Variants in HEXA observed in about 807,000 individuals in gnomAD.
HEXA encodes beta-hexosaminidase subunit alpha.
Under a neutral mutation model 73.3 loss-of-function variants are expected in HEXA, and 54 were observed. The observed-to-expected ratio is 0.74, with a 90% confidence interval of 0.59 to 0.92. The LOEUF (loss-of-function observed/expected upper bound fraction) is 0.92. Ranked by LOEUF, HEXA falls within the 40% of genes least tolerant of loss-of-function variation. The pLI, the probability that HEXA is intolerant of heterozygous loss-of-function variation, is 0.00. For missense variants in HEXA, 649 were observed against 653.0 expected (o/e 0.99, Z 0.07); for synonymous variants, 230 against 246.9 (o/e 0.93, Z 0.64).
chr15:72,359,797 A>AGTATCTT (rs376659177), intron 1 of HEXA: 1 of 151,864 alleles, frequency 6.6e-6, no homozygotes, highest in Non-Finnish European at 1.5e-5. Context: ...AAAAAAAAAA[A>AGTATCTT]GTATCTTTGG....
chr15:72,358,993 CA>C (rs1275933853), intron 1 of HEXA: 1 of 152,422 alleles, frequency 6.6e-6, no homozygotes. Context: ...CACAGTATGG[CA>C]AACAGCCCGG....
intron 1 of HEXA, among the ~76,000 whole-genome samples, chr15:72,365,715 C>G (rs1254245086): frequency 6.6e-6 from 1 of 152,124 alleles, no homozygotes; most frequent in African/African-American, 2.4e-5. Flanking sequence ...AATTGGATAA[C>G]CAGTCATCCT....
chr15:72,345,112 C>T (rs1258886833), intron 13 of HEXA: 2 of 358,838 alleles, frequency 5.6e-6, no homozygotes, highest in African/African-American at 4.2e-5. Flanking sequence ...TCCAAGGATG[C>T]TCAAGTCCCT....
At chr15:72,362,583 C>T in intron 1 of HEXA, 1 of 418,324 alleles carries the variant, frequency 2.4e-6, no homozygotes, top group East Asian at 7.5e-5. Flanking sequence ...ATCCCCAAAC[C>T]TAGTATTTCT....
In HEXA at chr15:72,347,771, G is replaced by T. The variant is rs2088637010; in HGVS notation, c.1074-13C>A. On this transcript the variant is annotated splice_polypyrimidine_tract_variant and intron_variant, in intron 9 of 13. Coordinates refer to ENST00000268097, the MANE Select transcript of HEXA (RefSeq NM_000520.6). ...GATGTCCAGCAGCCTGGAGAGGAGA[G>T]GAGTGTCTAGTAAGTGTCTGCTTAG... The T allele has an allele frequency of 2.5e-6, 4 of 1,612,952 alleles. No homozygotes were observed. The East Asian group carries it at 8.9e-5, about 36-fold the overall frequency.
chr15:72,354,933 TTATC>T (rs1489914617), intron 3 of HEXA: 2 of 156,280 alleles, frequency 1.3e-5, no homozygotes, highest in African/African-American at 4.8e-5. Context: ...TCACTACTAT[TTATC>T]TTTTTTTTTG....
rs1012652444 is a variant in HEXA, at chr15:72,351,301, G to A, written c.571-67C>T. The A allele has an allele frequency of 4.6e-6, 5 of 1,078,842 alleles. No individual in the cohort carries two copies. The South Asian group carries it at 5.0e-5, about 11-fold the overall frequency. The allele number at this position is 1,078,842 out of a possible 1,614,324, so 66.8% of individuals were successfully genotyped here. A position where few individuals can be genotyped will look rare whatever the true frequency, so the allele number is the denominator to read the frequency against. The stretch of plus-strand genomic sequence containing the variant: ...CCGGTTTCAGCCTCAAACTTGCGAT[G>A]TTGGGCGAGCTCTCAGGCCGCTCCA... On this transcript the variant is annotated intron_variant, in intron 5 of 13. Coordinates refer to ENST00000268097, the MANE Select transcript of HEXA (RefSeq NM_000520.6).
chr15:72,341,415 G>A lies in HEXA; in HGVS notation c.*2662C>T, dbSNP rs940048505. On this transcript the variant is annotated 3_prime_UTR_variant, in exon 14 of 14. Transcript: ENST00000268097. ...ATGCAGCCTCAGCTCCTACCAAGGA[G>A]AGGAGAGGTTGAAGACTCTCCCAGT... 6.6e-6 allele frequency: 1 copy of A among 151,804 alleles called. No homozygotes were observed. Among genetic ancestry groups the A allele is most frequent in the Non-Finnish European group, 1.5e-5 (1 of 67,988 alleles). The allele number at this position is 151,804 out of a possible 1,614,324, so 9.4% of individuals were successfully genotyped here.
In HEXA at chr15:72,345,462, G is replaced by A. The variant is rs28942071; in HGVS notation, c.1510C>T (p.Arg504Cys). 1.9e-5 allele frequency: 31 copies of A among 1,614,060 alleles called. No homozygotes were observed. Among genetic ancestry groups the A allele is most frequent in the African/African-American group, 4.0e-5 (3 of 74,934 alleles). ...TFAYERLSHF[R>C]CELLRRGVQA... ...CTTGCTTACCTCAGCAATTCACAGC[G>A]GAAGTGTGACAAACGTTCATAGGCA... The change falls in exon 13 of 14, where the codon CGC (arginine) becomes TGC (cysteine). Residue 504 changes from arginine to cysteine, a missense_variant. By Grantham distance (180) the Arg-to-Cys change is radical. Transcript: ENST00000268097.
In HEXA at chr15:72,347,903, C is replaced by T. The variant is rs2088639136; in HGVS notation, c.1073+145G>A. On this transcript the variant is annotated intron_variant, in intron 9 of 13. Transcript: ENST00000268097. ...TTTCCCCTGGGCTGAAAACCAACCA[C>T]TCCAAATCTGAAAGGATGGGACAAA... 27 of 987,336 alleles carry T rather than the reference C, an allele frequency of 2.7e-5. 1 individual carries two copies. The South Asian group carries it at 3.6e-4, about 13-fold the overall frequency. 61.2% of individuals were successfully genotyped at this position (987,336 alleles called of 1,614,324 possible).
At chr15:72,367,742 C>T (rs2088936192) in intron 1 of HEXA, among the ~76,000 whole-genome samples, 1 of 152,206 alleles carries the variant, frequency 6.6e-6, no homozygotes, top group African/African-American at 2.4e-5. Context: ...CAGCTAGACA[C>T]CTTGAGTTCC....
In HEXA at chr15:72,343,681, G is replaced by T. The variant is rs1033099973; in HGVS notation, c.*396C>A. The T allele has an allele frequency of 6.9e-6, 2 of 290,836 alleles. No homozygotes were observed. The highest frequency in any genetic ancestry group is 8.7e-5 in the Admixed American group (2 of 22,904). 18.0% of individuals were successfully genotyped at this position (290,836 alleles called of 1,614,324 possible). On this transcript the variant is annotated 3_prime_UTR_variant, in exon 14 of 14. Coordinates refer to ENST00000268097, the MANE Select transcript of HEXA (RefSeq NM_000520.6). ...TGCAGAAGTGAAGTGAGCAGGCTGA[G>T]GATTAGGGCAGGTGTCTGGAATATG... is the stretch of plus-strand genomic sequence containing the variant.
chr15:72,345,753 G>GATTGCTACCCACATTT, intron 12 of HEXA: 1 of 690,482 alleles, frequency 1.4e-6, no homozygotes, highest in Non-Finnish European at 2.5e-6. Context: ...TAAAATGTGG[G>GATTGCTACCCACATTT]TAGCAATCCC....
chr15:72,347,836 G>A, intron 9 of HEXA, 78 bp from the exon 10 acceptor site: 1 of 1,367,170 alleles, frequency 7.3e-7, no homozygotes. Context: ...GTGCTCTAGG[G>A]GTTGAGCCTG....
At chr15:72,349,325 G>T (rs1189932030) in intron 7 of HEXA, 66 bp from the exon 8 acceptor site, 2 of 1,240,164 alleles carry the variant, frequency 1.6e-6, no homozygotes, top group East Asian at 2.3e-5. Flanking sequence ...AGTCCTACAC[G>T]TAAGGACACG....
intron 1 of HEXA, 82 bp downstream of exon 1, chr15:72,375,638 G>A: frequency 6.6e-7 from 1 of 1,520,382 alleles, no homozygotes. Context: ...AAGCCCATAG[G>A]GCGTCTCTGG....
intron 1 of HEXA, among the ~76,000 whole-genome samples, chr15:72,361,998 A>C (rs1449114600): frequency 6.6e-6 from 1 of 152,220 alleles, no homozygotes; most frequent in East Asian, 1.9e-4. Context: ...TCTCCGCTTA[A>C]AATCTTCCAA....
At position 72,355,712 on chromosome 15, in the gene HEXA, T is replaced by C. The variant is rs1007015973; in HGVS notation, c.347-88A>G. 2.3e-5 allele frequency: 17 copies of C among 725,762 alleles called. No individual in the cohort carries two copies. In the African/African-American group the frequency reaches 3.2e-4, roughly 14 times the overall value. 45.0% of individuals were successfully genotyped at this position (725,762 alleles called of 1,614,324 possible). On this transcript the variant is annotated intron_variant, in intron 2 of 13. Transcript: ENST00000268097. The stretch of plus-strand genomic sequence containing the variant: ...AGATATTCTATATAAATCACTGGAC[T>C]AAAAAAAAAAAACAGTAAGACCATA...
chr15:72,366,954 GTT>G (rs1158340847), intron 1 of HEXA, among the ~76,000 whole-genome samples: 1 of 147,990 alleles, frequency 6.8e-6, no homozygotes, highest in Non-Finnish European at 1.5e-5. Flanking sequence ...TTTTTGTTTT[GTT>G]TTTTGAGATG....
Sources: gnomAD v4.1 joint callset for allele counts (sites outside exome capture counted in the v4.1 genomes callset) on GRCh38, gnomAD v4.1.1 for gene constraint, MANE v1.5 for transcripts, NCBI Gene and HGNC (gene_info 2026-07-23, HGNC 2026-07-21) for gene names.